The following EFNA5 variants were observed in gnomAD, a reference collection of about 807,000 sequenced individuals.
EFNA5 encodes ephrin A5, also known as ephrin-A5.
EFNA5 carries 5 observed loss-of-function variants against 22.9 expected under a neutral mutation model. That is an observed-to-expected ratio of 0.22 (90% CI 0.11 to 0.46). The LOEUF (loss-of-function observed/expected upper bound fraction) is 0.46, where lower values mean the gene tolerates loss of function less well. Ranked by LOEUF, EFNA5 falls within the 20% of genes least tolerant of loss-of-function variation. EFNA5 has a pLI of 0.99. For synonymous variants in EFNA5, 113 were observed against 112.2 expected, an observed-to-expected ratio of 1.01 and a Z score of -0.04; for missense variants, 237 against 293.3, an observed-to-expected ratio of 0.81 and a Z score of 1.40.
chr5:107,442,219 C>A (rs1749275318), intron 1 of EFNA5, among the ~76,000 whole-genome samples: 1 of 151,928 alleles, frequency 6.6e-6, no homozygotes, highest in Non-Finnish European at 1.5e-5. Context: ...AATAATTTCA[C>A]AAGAACCCTA....
Position 107,387,255 on chromosome 5 carries a change from T to G in EFNA5, c.545A>C (p.Glu182Ala), listed in dbSNP as rs1366552663. The change falls in exon 4 of 5, where the codon GAA becomes GCA. Residue 182 changes from glutamate to alanine, a missense_variant. Glu to Ala is a moderately radical substitution (Grantham distance 107). This residue lies in a region of EFNA5 where 104 missense variants were observed against 114.5 expected (regional missense o/e 0.91). Transcript: ENST00000333274. ...CTAACCTGCTGGTTCTAATGAATTTTCTACTTTGTCGTTAACATCGAAAAC... is the reference window on the plus strand; with the variant it reads ...CTAACCTGCTGGTTCTAATGAATTTGCTACTTTGTCGTTAACATCGAAAAC... ...DRVFDVNDKVENSLEPADDTV... is the reference protein window; with the variant it reads ...DRVFDVNDKVANSLEPADDTV... 6.2e-7 allele frequency: 1 copy of G among 1,605,496 alleles called. No homozygotes were observed. Among genetic ancestry groups the G allele is most frequent in the Non-Finnish European group, 8.5e-7 (1 of 1,174,370 alleles).
chr5:107,456,872 T>C (rs1261581935), intron 1 of EFNA5, among the ~76,000 whole-genome samples: 2 of 152,166 alleles, frequency 1.3e-5, no homozygotes, highest in African/African-American at 4.8e-5. Context: ...GCTACTTATC[T>C]AGTCAAAATG....
chr5:107,459,373 C>T (rs1038334360), intron 1 of EFNA5, among the ~76,000 whole-genome samples: 1 of 100,898 alleles, frequency 9.9e-6, no homozygotes, highest in Non-Finnish European at 2.0e-5. Flanking sequence ...AATTGGAACA[C>T]ATGAAAAAAA....
At chr5:107,655,595 C>T (rs1176188913) in intron 1 of EFNA5, among the ~76,000 whole-genome samples, 1 of 151,962 alleles carries the variant, frequency 6.6e-6, no homozygotes, top group Non-Finnish European at 1.5e-5. Flanking sequence ...ATTACTTTTT[C>T]CTGGCATAAA....
intron 4 of EFNA5, 59 bp from the exon 5 acceptor site, chr5:107,381,435 C>T: frequency 1.9e-6 from 3 of 1,547,076 alleles, no homozygotes; most frequent in Non-Finnish European, 2.6e-6. Context: ...AACTCTCTTG[C>T]AGCAGCCTGC....
intron 1 of EFNA5, among the ~76,000 whole-genome samples, chr5:107,558,122 T>C (rs1461943919): frequency 1.3e-5 from 2 of 151,896 alleles, no homozygotes; most frequent in African/African-American, 4.8e-5. Flanking sequence ...AAAATAAACA[T>C]AAACAAGAAA....
At chr5:107,533,107 G>A (rs745472756) in intron 1 of EFNA5, among the ~76,000 whole-genome samples, 157 of 152,168 alleles carry the variant, frequency 1.0e-3, no homozygotes, top group Non-Finnish European at 1.5e-3. Context: ...AGACCTTTGG[G>A]GACTCATCTC....
intron 1 of EFNA5, among the ~76,000 whole-genome samples, chr5:107,651,601 T>C (rs982036317): frequency 1.3e-5 from 2 of 152,042 alleles, no homozygotes; most frequent in Non-Finnish European, 2.9e-5. Flanking sequence ...GCTTGGTGGT[T>C]TGGCATTTGT....
At chr5:107,437,969 T>C (rs117641405) in intron 1 of EFNA5, among the ~76,000 whole-genome samples, 2 of 152,370 alleles carry the variant, frequency 1.3e-5, no homozygotes, top group East Asian at 3.9e-4. Context: ...AGTTTCTCTC[T>C]TGTCATTAAG....
At chr5:107,407,891 A>G (rs1053675483) in intron 2 of EFNA5, among the ~76,000 whole-genome samples, 7 of 152,154 alleles carry the variant, frequency 4.6e-5, no homozygotes, top group Non-Finnish European at 7.3e-5. Context: ...TTTTTCTCAA[A>G]TATATGGTCA....
intron 4 of EFNA5, among the ~76,000 whole-genome samples, chr5:107,385,619 G>A (rs1387593160): frequency 6.6e-6 from 1 of 152,080 alleles, no homozygotes; most frequent in East Asian, 1.9e-4. Flanking sequence ...TATTAAACCT[G>A]GATCTACCTA....
At chr5:107,449,644 T>C (rs1474065310) in intron 1 of EFNA5, among the ~76,000 whole-genome samples, 3 of 152,208 alleles carry the variant, frequency 2.0e-5, no homozygotes, top group Non-Finnish European at 4.4e-5. Flanking sequence ...TTCTGCACTG[T>C]TTCATGGAGT....
At chr5:107,426,958 C>T in intron 2 of EFNA5, 2 of 380,102 alleles carry the variant, frequency 5.3e-6, no homozygotes, top group Non-Finnish European at 4.7e-6. Context: ...TGGCAATTTT[C>T]ATTTAAAAAA....
intron 1 of EFNA5, among the ~76,000 whole-genome samples, chr5:107,586,730 A>G (rs1009486884): frequency 6.6e-5 from 10 of 152,238 alleles, no homozygotes; most frequent in African/African-American, 1.7e-4. Flanking sequence ...TAGCCACTCA[A>G]CAAAGCGAAG....
At chr5:107,609,942 T>C (rs1315189631) in intron 1 of EFNA5, among the ~76,000 whole-genome samples, 1 of 152,210 alleles carries the variant, frequency 6.6e-6, no homozygotes, top group Non-Finnish European at 1.5e-5. Context: ...TATCATTTAA[T>C]TGTATTCATC....
At chr5:107,572,748 C>T (rs531597615) in intron 1 of EFNA5, among the ~76,000 whole-genome samples, 50 of 152,278 alleles carry the variant, frequency 3.3e-4, no homozygotes, top group Middle Eastern at 3.4e-3. Context: ...TGTCTTCACA[C>T]GGACATTTTC....
chr5:107,383,929 C>T (rs1468386610), intron 4 of EFNA5, among the ~76,000 whole-genome samples: 2 of 152,172 alleles, frequency 1.3e-5, no homozygotes, highest in African/African-American at 4.8e-5. Context: ...AAGCACCCAA[C>T]GAATATATAT....
chr5:107,448,778 C>T (rs796357589), intron 1 of EFNA5, among the ~76,000 whole-genome samples: 58 of 150,976 alleles, frequency 3.8e-4, no homozygotes, highest in African/African-American at 1.2e-3. Flanking sequence ...TGCAGTGAGA[C>T]GAGATCATGC....
At chr5:107,660,763 T>C (rs1383706975) in intron 1 of EFNA5, among the ~76,000 whole-genome samples, 6 of 152,186 alleles carry the variant, frequency 3.9e-5, no homozygotes, top group South Asian at 2.1e-4. Flanking sequence ...CTGAGGTCCC[T>C]TCTCTCCTTA....
Sources: allele counts gnomAD v4.1 joint callset (sites outside exome capture counted in the v4.1 genomes callset), GRCh38; gene constraint gnomAD v4.1.1; regional missense constraint gnomAD v4.1.1; transcripts MANE v1.5; gene names NCBI Gene and HGNC (gene_info 2026-07-23, HGNC 2026-07-21).